ANO3: variants seen among roughly 807,000 people sequenced by gnomAD.
The protein encoded by ANO3 is anoctamin-3.
Under a neutral mutation model 144.8 loss-of-function variants are expected in ANO3, and 99 were observed. That is an observed-to-expected ratio of 0.68 (90% confidence interval 0.58 to 0.81). The LOEUF (loss-of-function observed/expected upper bound fraction) is 0.81, where lower values mean the gene tolerates loss of function less well. Ranked by LOEUF, ANO3 falls within the 30% of genes least tolerant of loss-of-function variation. ANO3 has a pLI of 0.00. For synonymous variants in ANO3, 414 were observed against 392.6 expected (o/e 1.05, Z -0.64); for missense variants, 905 against 1,202.2 (o/e 0.75, Z 3.66).
At chr11:26,244,894 G>A (rs1386557568) in intron 1 of ANO3, among the ~76,000 whole-genome samples, 2 of 150,932 alleles carry the variant, frequency 1.3e-5, no homozygotes, top group Non-Finnish European at 2.9e-5. Flanking sequence ...TTAATTCCAG[G>A]CACACTCAAG....
At chr11:26,603,434 A>G (rs531944808) in intron 17 of ANO3, among the ~76,000 whole-genome samples, 1 of 151,542 alleles carries the variant, frequency 6.6e-6, no homozygotes, top group African/African-American at 2.4e-5. Context: ...GGAATTATCA[A>G]TAATATCATC....
chr11:26,205,212 T>G (rs1210239850), intron 1 of ANO3, among the ~76,000 whole-genome samples: 1 of 152,088 alleles, frequency 6.6e-6, no homozygotes, highest in African/African-American at 2.4e-5. Flanking sequence ...AGGTGAGATT[T>G]TGGTGGGGAC....
chr11:26,200,162 A>G (rs910172793), intron 1 of ANO3, among the ~76,000 whole-genome samples: 10 of 152,332 alleles, frequency 6.6e-5, no homozygotes, highest in Non-Finnish European at 8.8e-5. Context: ...GATTGCTTTT[A>G]CTGTAATGTT....
intron 14 of ANO3, among the ~76,000 whole-genome samples, chr11:26,586,528 T>C (rs1851288524): frequency 7.9e-6 from 1 of 126,754 alleles, no homozygotes; most frequent in Non-Finnish European, 1.7e-5. Flanking sequence ...TTTTGAGACA[T>C]AGTCTCATTC....
Position 26,553,269 on chromosome 11 carries a change from C to A in ANO3, c.1310C>A (p.Thr437Asn). ...TCAAGCCAAGAAATTTGTAAAGCCACTGAAGTCTTTATGTGCCCTCTCTGT... is the reference window on the plus strand; with the variant it reads ...TCAAGCCAAGAAATTTGTAAAGCCAATGAAGTCTTTATGTGCCCTCTCTGT... ...SQVSQEICKA[T>N]EVFMCPLCDK... The change falls in exon 13 of 27, where the codon ACT becomes AAT. Residue 437 changes from threonine (T) to asparagine (N), a missense_variant. This residue lies in a region of ANO3 where 597 missense variants were observed against 865.1 expected (regional missense o/e 0.69). Transcript: ENST00000256737. The A allele has an allele frequency of 6.4e-7, 1 of 1,559,214 alleles. No homozygotes were observed. Among genetic ancestry groups the A allele is most frequent in the Non-Finnish European group, 8.8e-7 (1 of 1,136,636 alleles).
rs959148537 is a variant in ANO3 at position 26,273,174 on chromosome 11, C to T, written c.155-36471C>T. Among the ~76,000 whole-genome samples the T allele has an allele frequency of 3.3e-5, 5 of 149,488 alleles. No individual in the cohort carries two copies. In the South Asian group the frequency reaches 6.3e-4, roughly 19 times the overall value. On this transcript the variant is annotated intron_variant, in intron 1 of 27. Coordinates refer to the ANO3 transcript ENST00000672621. ...TTTTTTTGGATTGGTTCCATCAATG[C>T]TTTTTTCTTAAAATCAGGAAGTACC... is the stretch of plus-strand genomic sequence containing the variant.
chr11:26,284,377 T>C (rs902853513), intron 1 of ANO3, among the ~76,000 whole-genome samples: 6 of 152,116 alleles, frequency 3.9e-5, no homozygotes, highest in Non-Finnish European at 7.4e-5. Flanking sequence ...GAAAGAGGAT[T>C]CTAATTTGAT....
At chr11:26,196,817 A>C (rs1329497324) in intron 1 of ANO3, among the ~76,000 whole-genome samples, 2 of 152,254 alleles carry the variant, frequency 1.3e-5, no homozygotes, top group African/African-American at 4.8e-5. Context: ...GCAGAATAAG[A>C]ATTAGTGAAA....
Position 26,535,571 on chromosome 11 carries a change from C to CTTTTTTT in ANO3, c.976+1032_976+1038dup, listed in dbSNP as rs72278856. On this transcript the variant is annotated intron_variant, in intron 9 of 26. Transcript: ENST00000256737. ...AATACACTATGTTTCAAGACAGCCACTTTTTTTTTTTTTTTTTTTTTTTTT... is the reference window on the plus strand; with the variant it reads ...AATACACTATGTTTCAAGACAGCCACTTTTTTTTTTTTTTTTTTTTTTTTTTTTTTTT... Among the ~76,000 whole-genome samples, 290 of 58,612 alleles carry CTTTTTTT rather than the reference C, an allele frequency of 4.9e-3. 33 individuals are homozygous for CTTTTTTT. Among genetic ancestry groups the CTTTTTTT allele is most frequent in the Admixed American group, 0.019 (55 of 2,880 alleles). The allele number at this position is 58,612 out of a possible 152,430, so 38.5% of individuals were successfully genotyped here.
chr11:26,287,177 C>T (rs192197738), intron 1 of ANO3, among the ~76,000 whole-genome samples: 48 of 152,278 alleles, frequency 3.2e-4, no homozygotes, highest in African/African-American at 1.2e-3. Context: ...ACTATCTGCA[C>T]CACCAGAGCA....
chr11:26,359,212 A>C (rs1399984297), intron 1 of ANO3, among the ~76,000 whole-genome samples: 1 of 152,180 alleles, frequency 6.6e-6, no homozygotes, highest in Non-Finnish European at 1.5e-5. Context: ...AAGGCAGTCA[A>C]ATTAGCTTGG....
At chr11:26,460,085 C>G (rs1461006156) in intron 3 of ANO3, 1 of 453,798 alleles carries the variant, frequency 2.2e-6, no homozygotes, top group Admixed American at 2.4e-5. Context: ...GAGACCTGGA[C>G]CAAACAAACC....
intron 1 of ANO3, among the ~76,000 whole-genome samples, chr11:26,311,563 C>A: frequency 6.6e-6 from 1 of 152,168 alleles, no homozygotes; most frequent in East Asian, 1.9e-4. Flanking sequence ...ATAGGTCACC[C>A]AACTTCTGTG....
At chr11:26,645,112 T>G (rs973857648) in intron 23 of ANO3, among the ~76,000 whole-genome samples, 11 of 152,148 alleles carry the variant, frequency 7.2e-5, no homozygotes, top group African/African-American at 2.4e-4. Flanking sequence ...TGTATTTGCT[T>G]GTTGTTTGCT....
At chr11:26,476,672 C>T (rs1859985336) in intron 4 of ANO3, among the ~76,000 whole-genome samples, 1 of 151,940 alleles carries the variant, frequency 6.6e-6, no homozygotes, top group Admixed American at 6.6e-5. Flanking sequence ...GTGGGGACGA[C>T]ACTACAGTAA....
At chr11:26,486,500 C>G (rs1477763817) in intron 4 of ANO3, among the ~76,000 whole-genome samples, 1 of 151,738 alleles carries the variant, frequency 6.6e-6, no homozygotes, top group Non-Finnish European at 1.5e-5. Flanking sequence ...GCAGTATTTT[C>G]AGAAACTGTA....
intron 1 of ANO3, among the ~76,000 whole-genome samples, chr11:26,230,799 A>G (rs1319085123): frequency 4.2e-5 from 1 of 23,548 alleles, no homozygotes; most frequent in Non-Finnish European, 1.1e-4. Flanking sequence ...TCCATCTCCA[A>G]AAAAAAAAAA....
At chr11:26,284,345 G>A (rs1228225543) in intron 1 of ANO3, among the ~76,000 whole-genome samples, 5 of 152,162 alleles carry the variant, frequency 3.3e-5, no homozygotes, top group Admixed American at 1.3e-4. Flanking sequence ...CTAATGGGTT[G>A]AACGGGAAGC....
chr11:26,604,744 G>A (rs933301288), intron 17 of ANO3, among the ~76,000 whole-genome samples: 4 of 152,082 alleles, frequency 2.6e-5, no homozygotes, highest in African/African-American at 9.7e-5. Flanking sequence ...AGGAATGCTT[G>A]TGATTTTTGC....
Sources: allele counts gnomAD v4.1 joint callset (sites outside exome capture counted in the v4.1 genomes callset), GRCh38; gene constraint gnomAD v4.1.1; regional missense constraint gnomAD v4.1.1; transcripts MANE v1.5; gene names NCBI Gene and HGNC (gene_info 2026-07-23, HGNC 2026-07-21).